Variants in NRXN1 observed in about 807,000 individuals in gnomAD.
The protein encoded by NRXN1 is neurexin 1.
NRXN1 carries 39 observed loss-of-function variants against 150.9 expected under a neutral mutation model. That is an observed-to-expected ratio of 0.26 (90% CI 0.20 to 0.34). The LOEUF is 0.34. NRXN1 is among the 10% of genes least tolerant of loss of function. The pLI, the probability that NRXN1 is intolerant of heterozygous loss-of-function variation, is 1.00. For synonymous variants in NRXN1, 924 were observed against 757.0 expected (o/e 1.22, Z -3.62); for missense variants, 1,815 against 1,949.9 (o/e 0.93, Z 1.30).
rs1016661423 is a variant in NRXN1 at position 49,964,839 on chromosome 2, C to A, written c.4129-21048G>T. Among the ~76,000 whole-genome samples the A allele has an allele frequency of 3.9e-5, 6 of 152,110 alleles. No homozygotes were observed. The East Asian group carries it at 1.2e-3, about 30-fold the overall frequency. ...CTGGGCAACAAAAGCAAAAGTCCAT[C>A]TCAAAAAATAAAAAATAATAAAGTC... On this transcript the variant is annotated intron_variant, in intron 21 of 22. Transcript: ENST00000401669.
intron 5 of NRXN1, among the ~76,000 whole-genome samples, chr2:50,720,061 T>A (rs1006993964): frequency 6.6e-6 from 1 of 152,202 alleles, no homozygotes; most frequent in African/African-American, 2.4e-5. Context: ...GGTAACACAT[T>A]TTCAGCCTGC....
chr2:50,495,388 T>TG (rs1178162383), intron 15 of NRXN1, among the ~76,000 whole-genome samples: 3 of 136,626 alleles, frequency 2.2e-5, no homozygotes, highest in African/African-American at 6.0e-5. Flanking sequence ...GTGGTGTGTG[T>TG]GTGTGTGTGT....
chr2:50,360,729 T>C lies in NRXN1; in HGVS notation c.3364+104713A>G, dbSNP rs545052887. Among the ~76,000 whole-genome samples the C allele has an allele frequency of 2.2e-4, 34 of 152,172 alleles. 1 individual carries two copies. The highest frequency in any genetic ancestry group is 1.2e-3 in the Admixed American group (19 of 15,284). On this transcript the variant is annotated intron_variant, in intron 17 of 22. Coordinates refer to ENST00000401669, the MANE Select transcript of NRXN1 (RefSeq NM_001330078.2). ...TGAGACAGAAAATTAACAAGGATAT[T>C]CAGGACTTGAACTCAGCTCTGGAAC...
At chr2:50,638,670 T>C (rs1026144876) in intron 5 of NRXN1, among the ~76,000 whole-genome samples, 3 of 152,164 alleles carry the variant, frequency 2.0e-5, no homozygotes, top group African/African-American at 4.8e-5. Context: ...TTGTTTTCTT[T>C]TCTACTTGTG....
chr2:51,027,418 G>T (rs2105325456), intron 2 of NRXN1, 84 bp downstream of exon 2: 1 of 1,366,496 alleles, frequency 7.3e-7, no homozygotes, highest in African/African-American at 1.5e-5. Context: ...CCAAGATTAG[G>T]AAGACCCCAT....
At position 50,136,623 on chromosome 2, in the gene NRXN1, C is replaced by T. The variant is rs190658102; in HGVS notation, c.3547-45129G>A. ...GGACCCCGGGATGTATTATACATTG[C>T]TTATAGCATTTTGCTGCAACTTTAA... On this transcript the variant is annotated intron_variant, in intron 18 of 22. Coordinates refer to ENST00000401669, the MANE Select transcript of NRXN1 (RefSeq NM_001330078.2). Among the ~76,000 whole-genome samples, 49 of 152,224 alleles carry T rather than the reference C, an allele frequency of 3.2e-4. No individual in the cohort carries two copies. The East Asian group carries it at 5.0e-3, about 16-fold the overall frequency.
chr2:50,075,884 C>T (rs4971646), intron 19 of NRXN1, among the ~76,000 whole-genome samples: 40,984 of 151,844 alleles, frequency 0.27, 5,894 homozygotes, highest in East Asian at 0.39. Flanking sequence ...ATTTCAGCCT[C>T]GACTCATCCC....
At chr2:50,068,466 C>A (rs1573718380) in intron 19 of NRXN1, among the ~76,000 whole-genome samples, 1 of 152,280 alleles carries the variant, frequency 6.6e-6, no homozygotes, top group East Asian at 1.9e-4. Flanking sequence ...TGGTCAGAAT[C>A]ACTGAGGAAA....
At position 50,236,905 on chromosome 2, in the gene NRXN1, G is replaced by A. The variant is rs1282230077; in HGVS notation, c.3430C>T (p.Arg1144Ter). 1 of 1,613,276 alleles carries A rather than the reference G, an allele frequency of 6.2e-7. No individual in the cohort carries two copies. ...QITYKWPPND[R>*]PSTRADRLAI... is the part of the protein sequence containing the mutation. The stretch of plus-strand genomic sequence containing the variant: ...AGTCTGTCTGCTCGTGTACTGGGTC[G>A]GTCATTAGGAGGCCACTTATACGTG... The change falls in exon 18 of 23, where the codon CGA becomes TGA. Residue 1144 changes from arginine (R) to a stop codon, truncating the protein, a stop_gained. Coordinates refer to ENST00000401669, the MANE Select transcript of NRXN1 (RefSeq NM_001330078.2). LOFTEE classifies it high-confidence loss of function.
intron 17 of NRXN1, among the ~76,000 whole-genome samples, chr2:50,428,628 T>C (rs1572935989): frequency 6.6e-6 from 1 of 152,238 alleles, no homozygotes; most frequent in Admixed American, 6.5e-5. Flanking sequence ...GACGGGGAAG[T>C]GGGAGAGCAA....
At chr2:50,517,749 T>C (rs1314916306) in intron 12 of NRXN1, among the ~76,000 whole-genome samples, 2 of 152,088 alleles carry the variant, frequency 1.3e-5, no homozygotes, top group African/African-American at 2.4e-5. Context: ...GGCTTAGAAA[T>C]TGGGGGAACT....
chr2:49,969,276 G>T (rs1199455380), intron 21 of NRXN1, among the ~76,000 whole-genome samples: 1 of 152,050 alleles, frequency 6.6e-6, no homozygotes, highest in Non-Finnish European at 1.5e-5. Flanking sequence ...TGCTAATGGA[G>T]GGATGCATGG....
intron 18 of NRXN1, among the ~76,000 whole-genome samples, chr2:50,141,065 C>A (rs1707204835): frequency 6.6e-6 from 1 of 151,890 alleles, no homozygotes; most frequent in South Asian, 2.1e-4. Flanking sequence ...TAGTATTGAA[C>A]GTATCTAAAC....
At chr2:50,465,082 G>T (rs1170024446) in intron 17 of NRXN1, among the ~76,000 whole-genome samples, 2 of 151,636 alleles carry the variant, frequency 1.3e-5, no homozygotes, top group Non-Finnish European at 2.9e-5. Flanking sequence ...CAGCCCTCGA[G>T]ACATAATCAT....
chr2:49,968,374 CA>C (rs1677324424), intron 21 of NRXN1, among the ~76,000 whole-genome samples: 1 of 151,952 alleles, frequency 6.6e-6, no homozygotes, highest in Non-Finnish European at 1.5e-5. Context: ...GACTTTTAAA[CA>C]AAAAGTTGCA....
At chr2:50,761,443 C>G (rs1016180556) in intron 5 of NRXN1, among the ~76,000 whole-genome samples, 2 of 151,902 alleles carry the variant, frequency 1.3e-5, no homozygotes, top group African/African-American at 4.8e-5. Context: ...ACTCTCTTGC[C>G]TGCTGCCATG....
chr2:50,559,656 T>A (rs142504364), intron 8 of NRXN1, among the ~76,000 whole-genome samples: 209 of 152,282 alleles, frequency 1.4e-3, no homozygotes, highest in African/African-American at 4.9e-3. Flanking sequence ...ATTACCCAGA[T>A]ACACTATATG....
intron 17 of NRXN1, among the ~76,000 whole-genome samples, chr2:50,315,010 T>A (rs1349037352): frequency 6.6e-6 from 1 of 152,016 alleles, no homozygotes; most frequent in Non-Finnish European, 1.5e-5. Flanking sequence ...AAAATATAGA[T>A]AGGAAAATGT....
At chr2:50,175,041 A>G (rs1487854640) in intron 18 of NRXN1, 1 of 152,128 alleles carries the variant, frequency 6.6e-6, no homozygotes, top group African/African-American at 2.4e-5. Context: ...CATGAACTTG[A>G]GGTTCAGAAA....
Sources: gnomAD v4.1 joint callset for allele counts (sites outside exome capture counted in the v4.1 genomes callset) on GRCh38, gnomAD v4.1.1 for gene constraint, MANE v1.5 for transcripts, NCBI Gene and HGNC (gene_info 2026-07-23, HGNC 2026-07-21) for gene names.